The following CLPB variants were observed in gnomAD, a reference collection of about 807,000 sequenced individuals.
CLPB encodes ClpB family mitochondrial disaggregase, also known as mitochondrial disaggregase.
In CLPB, 40 loss-of-function variants were observed where a neutral mutation model predicts 78.4. That is an observed-to-expected ratio of 0.51 (90% CI 0.40 to 0.66). CLPB has a LOEUF of 0.66. Among genes scored for constraint, CLPB ranks in the 30% least tolerant of loss-of-function variants. The probability of loss-of-function intolerance (pLI) is 0.00; values close to 1 mark genes in which losing one functional copy is unlikely to be tolerated. For synonymous variants in CLPB, 333 were observed against 348.0 expected, an observed-to-expected ratio of 0.96 and a Z score of 0.48; for missense variants, 780 against 886.9, an observed-to-expected ratio of 0.88 and a Z score of 1.53.
At chr11:72,399,754 G>A (rs1227346469) in intron 3 of CLPB, among the ~76,000 whole-genome samples, 1 of 152,200 alleles carries the variant, frequency 6.6e-6, no homozygotes, top group Non-Finnish European at 1.5e-5. Flanking sequence ...TTTCAGCCTT[G>A]AATCAAGGGT....
chr11:72,335,309 G>A (rs1352870153), intron 5 of CLPB, among the ~76,000 whole-genome samples: 20 of 152,172 alleles, frequency 1.3e-4, no homozygotes, highest in South Asian at 2.1e-4. Flanking sequence ...TTGATTTGAC[G>A]CAATTATTGA....
chr11:72,391,670 G>GAAAACGTATATGT (rs1284038355), intron 3 of CLPB, among the ~76,000 whole-genome samples: 4 of 152,220 alleles, frequency 2.6e-5, no homozygotes, highest in Non-Finnish European at 5.9e-5. Context: ...GCTGCGGGTG[G>GAAAACGTATATGT]TTTAGCTGTG....
chr11:72,379,606 T>A (rs1854839160), intron 4 of CLPB, among the ~76,000 whole-genome samples: 1 of 152,044 alleles, frequency 6.6e-6, no homozygotes, highest in African/African-American at 2.4e-5. Context: ...GCCTCTTCAT[T>A]CTGAAGTTCA....
chr11:72,293,551 C>T lies in CLPB; in HGVS notation c.1850G>A (p.Cys617Tyr). 6.2e-7 allele frequency: 1 copy of T among 1,614,126 alleles called. No homozygotes were observed. Among genetic ancestry groups the T allele is most frequent in the Non-Finnish European group, 8.5e-7 (1 of 1,179,998 alleles). ...GTCCTCCACCGTGATGCGCAAAGTA[C>T]AGCCCCCTGGCAGCAGGTCCTGCTC... Reference protein sequence around the residue: ...AYEQDLLPGGCTLRITVEDSD... With the variant: ...AYEQDLLPGGYTLRITVEDSD... Residue 617 changes from cysteine to tyrosine, a missense_variant, in exon 16 of 16, where the codon TGT becomes TAT. This residue lies in a region of CLPB where 272 missense variants were observed against 304.0 expected (regional missense o/e 0.89). Coordinates refer to ENST00000538039, the MANE Select transcript of CLPB (RefSeq NM_001258392.3).
At chr11:72,418,780 A>T (rs1357981807) in intron 2 of CLPB, among the ~76,000 whole-genome samples, 4 of 150,844 alleles carry the variant, frequency 2.7e-5, no homozygotes, top group Non-Finnish European at 5.9e-5. Flanking sequence ...GCTTGAACCC[A>T]GGAGTCAGAG....
chr11:72,306,099 C>T (rs1949741882), intron 9 of CLPB, among the ~76,000 whole-genome samples: 1 of 152,240 alleles, frequency 6.6e-6, no homozygotes, highest in African/African-American at 2.4e-5. Flanking sequence ...ATGCTATGCG[C>T]TGCTTCTTGC....
chr11:72,366,666 T>G (rs553310578), intron 4 of CLPB, among the ~76,000 whole-genome samples: 1 of 152,286 alleles, frequency 6.6e-6, no homozygotes, highest in East Asian at 1.9e-4. Flanking sequence ...TCAACATCAT[T>G]AATCATCAGA....
chr11:72,386,985 A>G (rs1251536115), intron 3 of CLPB, among the ~76,000 whole-genome samples: 1 of 152,214 alleles, frequency 6.6e-6, no homozygotes, highest in Non-Finnish European at 1.5e-5. Context: ...TAGGCAAACT[A>G]ACTGAAAGCA....
intron 6 of CLPB, among the ~76,000 whole-genome samples, chr11:72,318,382 G>A (rs932845331): frequency 5.3e-5 from 8 of 152,170 alleles, no homozygotes; most frequent in African/African-American, 1.9e-4. Flanking sequence ...GGGACTGTCT[G>A]GAGAACAGGC....
At chr11:72,313,600 T>C (rs571747291) in intron 7 of CLPB, among the ~76,000 whole-genome samples, 58 of 152,146 alleles carry the variant, frequency 3.8e-4, no homozygotes, top group African/African-American at 1.2e-3. Flanking sequence ...GTGATAAAGG[T>C]ATTCCTAGGA....
At chr11:72,396,141 C>T (rs1271383894) in intron 3 of CLPB, among the ~76,000 whole-genome samples, 1 of 152,224 alleles carries the variant, frequency 6.6e-6, no homozygotes, top group East Asian at 1.9e-4. Context: ...ATTAACAAAG[C>T]CCGGGTACCA....
rs1949396535 is a variant in CLPB, at chr11:72,286,825, GTGTGTGTA to G, written c.*6534_*6541del. 6.8e-6 allele frequency: 1 copy of G among 146,848 alleles called. No individual in the cohort carries two copies. Among genetic ancestry groups the G allele is most frequent in the African/African-American group, 2.6e-5 (1 of 37,952 alleles). The allele number at this position is 146,848 out of a possible 1,614,324, so 9.1% of individuals were successfully genotyped here. ...CGTGTGTGTGTGTGTGTGTGTGTGT[GTGTGTGTA>G]GTTATCTGAAATACTGGCAAACCAA... On this transcript the variant is annotated 3_prime_UTR_variant, in exon 16 of 16. Transcript: ENST00000538039.
chr11:72,371,048 T>A (rs890742005), intron 4 of CLPB, among the ~76,000 whole-genome samples: 1 of 152,218 alleles, frequency 6.6e-6, no homozygotes, highest in African/African-American at 2.4e-5. Flanking sequence ...ATAATTTTTC[T>A]GTTTCTCATA....
chr11:72,294,946 A>C (rs1949523862), intron 12 of CLPB, among the ~76,000 whole-genome samples: 1 of 151,920 alleles, frequency 6.6e-6, no homozygotes, highest in African/African-American at 2.4e-5. Flanking sequence ...GGGAGAGGAG[A>C]GGAAACGTCA....
At chr11:72,296,667 G>A (rs1382205778) in intron 11 of CLPB, among the ~76,000 whole-genome samples, 1 of 152,188 alleles carries the variant, frequency 6.6e-6, no homozygotes. Context: ...CATCACAGAT[G>A]CTCTGCTTAG....
chr11:72,323,561 ATCTC>A (rs1950080440), intron 6 of CLPB, among the ~76,000 whole-genome samples: 3 of 143,194 alleles, frequency 2.1e-5, no homozygotes, highest in African/African-American at 5.1e-5. Flanking sequence ...GCGAGACTCC[ATCTC>A]AAAAAAAAAA....
At chr11:72,294,829 C>A in intron 12 of CLPB, 136 bp from the exon 13 acceptor site, 1 of 740,856 alleles carries the variant, frequency 1.3e-6, no homozygotes, top group East Asian at 2.6e-5. Context: ...CTAAGGCTCT[C>A]TGGGCTTCAG....
chr11:72,399,371 T>C lies in CLPB; in HGVS notation c.542+3595A>G, dbSNP rs532361383. ...ACAATTATCTTTCCTTTAACCAATA[T>C]GATTTCTGATCTTGATCCAGTTTTC... On this transcript the variant is annotated intron_variant, in intron 3 of 15. Transcript: ENST00000538039. 8.2e-4 allele frequency among the ~76,000 whole-genome samples: 125 copies of C among 152,280 alleles called. 2 individuals are homozygous for C. Among genetic ancestry groups the C allele is most frequent in the Non-Finnish European group, 3.5e-4 (24 of 68,008 alleles).
chr11:72,351,797 C>T (rs938046798), intron 5 of CLPB, among the ~76,000 whole-genome samples: 1 of 152,024 alleles, frequency 6.6e-6, no homozygotes, highest in Admixed American at 6.5e-5. Flanking sequence ...GTCTTGAACT[C>T]CTGACCTCAG....
Sources: gnomAD v4.1 joint callset for allele counts (sites outside exome capture counted in the v4.1 genomes callset) on GRCh38, gnomAD v4.1.1 for gene constraint, gnomAD v4.1.1 regional missense constraint, MANE v1.5 for transcripts, NCBI Gene and HGNC (gene_info 2026-07-23, HGNC 2026-07-21) for gene names.